SCN11A: variants seen among roughly 807,000 people sequenced by gnomAD.
SCN11A encodes the protein sodium voltage-gated channel alpha subunit 11, also known as sodium channel protein type 11 subunit alpha.
In SCN11A, 122 loss-of-function variants were observed where a neutral mutation model predicts 162.2. The observed-to-expected ratio is 0.75, with a 90% CI of 0.65 to 0.87. SCN11A has a LOEUF of 0.87. SCN11A is among the 40% of genes least tolerant of loss of function. The pLI, the probability that SCN11A is intolerant of heterozygous loss-of-function variation, is 0.00. For missense variants in SCN11A, 2,015 were observed against 2,181.6 expected (o/e 0.92, Z 1.52); for synonymous variants, 758 against 751.5 (o/e 1.01, Z -0.14).
At chr3:38,901,084 T>A (rs904028454) in intron 16 of SCN11A, among the ~76,000 whole-genome samples, 4 of 152,180 alleles carry the variant, frequency 2.6e-5, no homozygotes, top group Non-Finnish European at 5.9e-5. Context: ...TTACAAGGAT[T>A]GTTATAAAAC....
chr3:38,907,940 A>T lies in SCN11A; in HGVS notation c.1473+9T>A. ...ATATGGTATCATTAATTCCCTGGAA[A>T]AGACTTACCTTTTTTTGGCAATCTT... On this transcript the variant is annotated intron_variant, in intron 14 of 29. Coordinates refer to ENST00000302328, the MANE Select transcript of SCN11A (RefSeq NM_001349253.2). 1 of 1,595,976 alleles carries T rather than the reference A, an allele frequency of 6.3e-7. No homozygotes were observed. The highest frequency in any genetic ancestry group is 8.5e-7 in the Non-Finnish European group (1 of 1,174,968).
chr3:38,953,370 C>T (rs2125580059), intron 4 of SCN11A, among the ~76,000 whole-genome samples: 1 of 151,848 alleles, frequency 6.6e-6, no homozygotes, highest in South Asian at 2.1e-4. Context: ...CACAAGTTTA[C>T]CTATGTAACA....
intron 19 of SCN11A, among the ~76,000 whole-genome samples, chr3:38,889,802 AAAAATAAAAT>A (rs372120454): frequency 0.063 from 8,217 of 130,734 alleles, 438 homozygotes; most frequent in African/African-American, 0.13. Context: ...TCCATCTCAA[AAAAATAAAAT>A]AAAATAAAAT....
At chr3:38,879,101 A>G (rs1364672525) in intron 23 of SCN11A, among the ~76,000 whole-genome samples, 1 of 152,120 alleles carries the variant, frequency 6.6e-6, no homozygotes, top group Non-Finnish European at 1.5e-5. Flanking sequence ...TTAAATCAAG[A>G]GCTTTGGAGT....
intron 9 of SCN11A, among the ~76,000 whole-genome samples, chr3:38,921,889 T>C (rs2066059108): frequency 6.6e-6 from 1 of 152,226 alleles, no homozygotes; most frequent in South Asian, 2.1e-4. Context: ...TAAATAATCT[T>C]GTGGCATGCT....
intron 27 of SCN11A, 60 bp downstream of exon 27, chr3:38,867,261 T>C (rs1365957816): frequency 1.3e-6 from 2 of 1,489,536 alleles, no homozygotes; most frequent in Non-Finnish European, 1.9e-6. Flanking sequence ...AATTATGTTT[T>C]GTTAATGCAT....
chr3:38,934,483 A>G (rs1208524664), intron 7 of SCN11A, among the ~76,000 whole-genome samples: 1 of 152,226 alleles, frequency 6.6e-6, no homozygotes, highest in Non-Finnish European at 1.5e-5. Context: ...GAAAAAACCC[A>G]TCTCATGTGC....
chr3:39,040,289 G>GA (rs1012315578), intron 1 of SCN11A, among the ~76,000 whole-genome samples: 18 of 152,290 alleles, frequency 1.2e-4, no homozygotes, highest in African/African-American at 4.3e-4. Context: ...GTCTAAGATC[G>GA]AGTGTGGAGA....
chr3:38,871,593 A>AAT lies in SCN11A; in HGVS notation c.3609_3610dup (p.Phe1204TyrfsTer13). 6.2e-7 allele frequency: 1 copy of AAT among 1,613,160 alleles called. No individual in the cohort carries two copies. The highest frequency in any genetic ancestry group is 8.5e-7 in the Non-Finnish European group (1 of 1,179,386). ...GTCTGTTCCATTAATGCATTTCCCA[A>AAT]ATTTTCCAGAAAAGAAGTATACTCC... On this transcript the variant is annotated frameshift_variant, in exon 25 of 30. Coordinates refer to ENST00000302328, the MANE Select transcript of SCN11A (RefSeq NM_001349253.2). LOFTEE classifies it high-confidence loss of function.
chr3:38,861,368 C>A (rs2126087839), intron 28 of SCN11A, among the ~76,000 whole-genome samples: 1 of 152,060 alleles, frequency 6.6e-6, no homozygotes, highest in South Asian at 2.1e-4. Flanking sequence ...CCACCGTCAT[C>A]CTTCACAGGA....
At chr3:38,883,498 G>A (rs1436464032) in intron 21 of SCN11A, 111 bp from the exon 22 acceptor site, 23 of 960,312 alleles carry the variant, frequency 2.4e-5, no homozygotes, top group Admixed American at 2.0e-4. Flanking sequence ...ACCTGCAGTT[G>A]CTCCCATTAA....
intron 2 of SCN11A, among the ~76,000 whole-genome samples, chr3:39,024,832 T>C (rs1371186688): frequency 1.3e-5 from 2 of 152,208 alleles, no homozygotes; most frequent in African/African-American, 4.8e-5. Flanking sequence ...ATACCCTTTC[T>C]GTCCAATCAC....
At chr3:38,912,871 G>A (rs984493085) in intron 11 of SCN11A, among the ~76,000 whole-genome samples, 1 of 152,118 alleles carries the variant, frequency 6.6e-6, no homozygotes, top group Non-Finnish European at 1.5e-5. Flanking sequence ...TCTTTATCCA[G>A]TTTGTCACTG....
chr3:39,017,625 T>C (rs531403149), intron 2 of SCN11A, among the ~76,000 whole-genome samples: 40 of 152,324 alleles, frequency 2.6e-4, no homozygotes, highest in South Asian at 1.7e-3. Context: ...TCTCTCTCTC[T>C]TTCCTCTCTT....
intron 2 of SCN11A, among the ~76,000 whole-genome samples, chr3:38,974,490 T>C (rs11129814): frequency 0.12 from 18,429 of 151,412 alleles, 1,235 homozygotes; most frequent in East Asian, 0.29. Context: ...GGTCAGGAGA[T>C]CGAGACCATC....
At chr3:38,924,610 T>G (rs1363002138) in intron 9 of SCN11A, among the ~76,000 whole-genome samples, 2 of 152,092 alleles carry the variant, frequency 1.3e-5, no homozygotes, top group African/African-American at 4.8e-5. Context: ...TGACCTCAGG[T>G]GATCCACCTG....
chr3:38,854,246 G>A (rs903306055), intron 28 of SCN11A, among the ~76,000 whole-genome samples: 2 of 152,194 alleles, frequency 1.3e-5, no homozygotes, highest in Admixed American at 6.5e-5. Context: ...CAATGGCAGA[G>A]TTGAGTACTA....
chr3:38,873,549 C>T (rs1475773795), intron 23 of SCN11A, among the ~76,000 whole-genome samples: 4 of 152,144 alleles, frequency 2.6e-5, no homozygotes, highest in Non-Finnish European at 5.9e-5. Context: ...GTAGCTTTCT[C>T]GCAAATACTC....
In SCN11A at chr3:38,872,290, G is replaced by C; in HGVS notation, c.3398C>G (p.Ser1133Cys). The change falls in exon 24 of 30, where the codon TCT becomes TGT. Residue 1133 changes from serine to cysteine, a missense_variant. Physicochemically the swap from Ser to Cys is moderately radical, Grantham distance 112 (BLOSUM62 -1). Transcript: ENST00000302328. The stretch of plus-strand genomic sequence containing the variant: ...CATTAAGTTAATGAGGGTGGTCACA[G>C]AGACCTGATGGGAAGAGAGGCCACA... ...CCLDFIIVIV[S>C]VTTLINLMEL... 1 of 1,569,790 alleles carries C rather than the reference G, an allele frequency of 6.4e-7. No individual in the cohort carries two copies. Among genetic ancestry groups the C allele is most frequent in the South Asian group, 1.1e-5 (1 of 90,122 alleles).
Sources: gnomAD v4.1 joint callset for allele counts (sites outside exome capture counted in the v4.1 genomes callset) on GRCh38, gnomAD v4.1.1 for gene constraint, MANE v1.5 for transcripts, NCBI Gene and HGNC (gene_info 2026-07-23, HGNC 2026-07-21) for gene names.